Variants in HEATR1 observed in about 807,000 individuals in gnomAD.
HEATR1 encodes HEAT repeat-containing protein 1.
HEATR1 carries 77 observed loss-of-function variants against 248.2 expected under a neutral mutation model. The ratio of observed to expected loss-of-function variants is 0.31; its 90% CI spans 0.26 to 0.37. The LOEUF (loss-of-function observed/expected upper bound fraction) is 0.37. Ranked by LOEUF, HEATR1 falls within the 10% of genes least tolerant of loss-of-function variation. The pLI, the probability that HEATR1 is intolerant of heterozygous loss-of-function variation, is 1.00. For missense variants in HEATR1, 2,420 were observed against 2,504.9 expected (o/e 0.97, Z 0.72); for synonymous variants, 897 against 923.1 (o/e 0.97, Z 0.51).
At position 236,574,203 on chromosome 1, in the gene HEATR1, C is replaced by A. The variant is rs1297033041; in HGVS notation, c.3458G>T (p.Gly1153Val). Residue 1153 changes from glycine (G) to valine (V), a missense_variant and splice_region_variant, in exon 24 of 45, where the codon GGG becomes GTG. Gly to Val is a moderately radical substitution (Grantham distance 109, BLOSUM62 -3). Transcript: ENST00000366582. ...CAQTVSSVFKGISVNAEQVRI... is the reference protein window; with the variant it reads ...CAQTVSSVFKVISVNAEQVRI... ...AATTACAAGAAGTTTGCAGCTTACC[C>A]CTTTAAAAACACTGCTGACAGTCTG... The A allele has an allele frequency of 6.3e-7, 1 of 1,598,122 alleles. No individual in the cohort carries two copies. Among genetic ancestry groups the A allele is most frequent in the Non-Finnish European group, 8.5e-7 (1 of 1,175,762 alleles).
At chr1:236,593,529 C>T (rs1664095068) in intron 9 of HEATR1, among the ~76,000 whole-genome samples, 1 of 147,306 alleles carries the variant, frequency 6.8e-6, no homozygotes, top group Non-Finnish European at 1.5e-5. Context: ...GAATTTACAC[C>T]TATGTCTGAC....
At position 236,597,913 on chromosome 1, in the gene HEATR1, C is replaced by T; in HGVS notation, c.568G>A (p.Asp190Asn). ...TTTGTCACCAAACTGCAAATGAAAT[C>T]CATGAATCCAAGATCTTTGTAGCAG... ...THCYKDLGFMDFICSLVTKSV... is the reference protein window; with the variant it reads ...THCYKDLGFMNFICSLVTKSV... The change falls in exon 5 of 45, where the codon GAT becomes AAT. Residue 190 changes from aspartate (D) to asparagine (N), a missense_variant. Coordinates refer to ENST00000366582, the MANE Select transcript of HEATR1 (RefSeq NM_018072.6). 6.2e-7 allele frequency: 1 copy of T among 1,613,714 alleles called. No homozygotes were observed. The highest frequency in any genetic ancestry group is 2.2e-5 in the East Asian group (1 of 44,834).
intron 33 of HEATR1, among the ~76,000 whole-genome samples, chr1:236,560,584 TCA>T (rs1663106395): frequency 6.6e-6 from 1 of 152,162 alleles, no homozygotes; most frequent in South Asian, 2.1e-4. Context: ...ACTCAGCAGC[TCA>T]CATTCCTGGC....
chr1:236,570,771 A>G (rs72758119), intron 28 of HEATR1, among the ~76,000 whole-genome samples: 3,789 of 152,228 alleles, frequency 0.025, 59 homozygotes, highest in Non-Finnish European at 0.041. Flanking sequence ...CATACAGATA[A>G]AACTTTGCAT....
intron 24 of HEATR1, among the ~76,000 whole-genome samples, chr1:236,573,203 G>C (rs1036838243): frequency 1.3e-5 from 2 of 152,146 alleles, no homozygotes; most frequent in African/African-American, 4.8e-5. Context: ...CTCCAGTCCA[G>C]AGTCACTCAA....
At chr1:236,566,976 T>C (rs1663289169) in intron 29 of HEATR1, 100 bp from the exon 30 acceptor site, 8 of 732,276 alleles carry the variant, frequency 1.1e-5, no homozygotes, top group African/African-American at 3.6e-5. Flanking sequence ...CCCCAAGAAA[T>C]TGCCAGAAGA....
In HEATR1 at chr1:236,594,131, T is replaced by G; in HGVS notation, c.1091-17A>C. 2.0e-6 allele frequency: 3 copies of G among 1,486,470 alleles called. No homozygotes were observed. The highest frequency in any genetic ancestry group is 2.7e-6 in the Non-Finnish European group (3 of 1,091,458). The allele number at this position is 1,486,470 out of a possible 1,614,324, so 92.1% of individuals were successfully genotyped here. A position where few individuals can be genotyped will look rare whatever the true frequency, so the allele number is the denominator to read the frequency against. On this transcript the variant is annotated splice_polypyrimidine_tract_variant and intron_variant, in intron 8 of 44. Transcript: ENST00000366582. ...TTTCTTCTCCTTAATATGTAAAAAT[T>G]AAAATTGTGTTGGGAAAAATTTATT...
Position 236,592,046 on chromosome 1 carries a change from G to A in HEATR1, c.1369C>T (p.Gln457Ter). 1 of 1,608,756 alleles carries A rather than the reference G, an allele frequency of 6.2e-7. No individual in the cohort carries two copies. The highest frequency in any genetic ancestry group is 8.5e-7 in the Non-Finnish European group (1 of 1,176,106). Residue 457 changes from glutamine (Q) to a stop codon, truncating the protein, a stop_gained, in exon 11 of 45, where the codon CAA (glutamine) becomes TAA (stop). Transcript: ENST00000366582. LOFTEE classifies it high-confidence loss of function. The stretch of plus-strand genomic sequence containing the variant: ...GAAACAAACTGATGGAAAAGCTCTT[G>A]TTTTTTCAGATCTGCAATTTCCTTT... ...HLKEIADLKK[Q>*]ELFHQFVSLS... is the part of the protein sequence containing the mutation.
At chr1:236,556,677 GCTCCTAAC>G in intron 37 of HEATR1, among the ~76,000 whole-genome samples, 1 of 152,296 alleles carries the variant, frequency 6.6e-6, no homozygotes, top group Admixed American at 6.5e-5. Context: ...GGTAATGAAG[GCTCCTAAC>G]CTTGTAAATG....
rs116091150 is a variant in HEATR1 at position 236,566,196 on chromosome 1, A to T, written c.4309-151T>A. On this transcript the variant is annotated intron_variant, in intron 30 of 44. Coordinates refer to ENST00000366582, the MANE Select transcript of HEATR1 (RefSeq NM_018072.6). Reference sequence around the variant, plus strand: ...TCTACTCCCAGATCCCATGTCTAAGAAGTCATTTAAAAATGGTCCTCGACT... The same window carrying T: ...TCTACTCCCAGATCCCATGTCTAAGTAGTCATTTAAAAATGGTCCTCGACT... The T allele has an allele frequency of 7.0e-4, 509 of 723,544 alleles. 4 individuals are homozygous for T. In the African/African-American group the frequency reaches 8.5e-3, roughly 12 times the overall value. The allele number at this position is 723,544 out of a possible 1,614,324, so 44.8% of individuals were successfully genotyped here. A position where few individuals can be genotyped will look rare whatever the true frequency, so the allele number is the denominator to read the frequency against.
intron 44 of HEATR1, 102 bp from the exon 45 acceptor site, chr1:236,551,092 T>G: frequency 1.1e-6 from 1 of 885,446 alleles, no homozygotes; most frequent in Non-Finnish European, 1.7e-6. Context: ...CCGGCAATCA[T>G]TCAATCAAAA....
Position 236,599,551 on chromosome 1 carries a change from C to T in HEATR1, c.433G>A (p.Val145Met). The change falls in exon 4 of 45, where the codon GTG (valine) becomes ATG (methionine). Residue 145 changes from valine (V) to methionine (M), a missense_variant. Coordinates refer to ENST00000366582, the MANE Select transcript of HEATR1 (RefSeq NM_018072.6). ...ATTTTTAGAAGCTGTATGACTCGCA[C>T]AAATATTCTTGTCTCGTGGTATGGC... ...VLPYHETRIFVRVIQLLKINN... is the reference protein window; with the variant it reads ...VLPYHETRIFMRVIQLLKINN... 6.2e-7 allele frequency: 1 copy of T among 1,613,720 alleles called. No individual in the cohort carries two copies. Among genetic ancestry groups the T allele is most frequent in the Non-Finnish European group, 8.5e-7 (1 of 1,179,762 alleles).
rs573865050 is a variant in HEATR1 at position 236,572,286 on chromosome 1, A to G, written c.3707+125T>C. 4 of 1,103,804 alleles carry G rather than the reference A, an allele frequency of 3.6e-6. No individual in the cohort carries two copies. In the East Asian group the frequency reaches 9.5e-5, roughly 26 times the overall value. 68.4% of individuals were successfully genotyped at this position (1,103,804 alleles called of 1,614,324 possible). ...TAAAACCAATCTTTTAATTTCACCT[A>G]TAGTACTTGCTTTATTTTACAGACT... On this transcript the variant is annotated intron_variant, in intron 26 of 44. Coordinates refer to ENST00000366582, the MANE Select transcript of HEATR1 (RefSeq NM_018072.6).
At chr1:236,568,337 C>T (rs1201573871) in intron 29 of HEATR1, among the ~76,000 whole-genome samples, 2 of 152,106 alleles carry the variant, frequency 1.3e-5, no homozygotes, top group African/African-American at 4.8e-5. Flanking sequence ...ACTGAGAACA[C>T]CAATCTAATA....
chr1:236,564,358 C>G (rs192843426), intron 32 of HEATR1, 140 bp downstream of exon 32: 1 of 664,488 alleles, frequency 1.5e-6, no homozygotes, highest in African/African-American at 1.8e-5. Flanking sequence ...CATGGTGAAA[C>G]GTACTTTCTT....
intron 3 of HEATR1, among the ~76,000 whole-genome samples, chr1:236,602,100 C>A (rs1047465495): frequency 3.3e-5 from 5 of 151,892 alleles, no homozygotes; most frequent in African/African-American, 1.2e-4. Context: ...GATCGTGCCA[C>A]TGCACTCCAG....
Position 236,571,413 on chromosome 1 carries a change from C to G in HEATR1, c.3886G>C (p.Glu1296Gln). ...GCATGGTGATGGGTCTGCGGCATCT[C>G]CGAAAGGCGGATGCACTGAACTATC... ...ELIVQCIRLSEMPQTHHHALL... is the reference protein window; with the variant it reads ...ELIVQCIRLSQMPQTHHHALL... The change falls in exon 28 of 45, where the codon GAG becomes CAG. Residue 1296 changes from glutamate (E) to glutamine (Q), a missense_variant. Transcript: ENST00000366582. 6.2e-7 allele frequency: 1 copy of G among 1,613,388 alleles called. No individual in the cohort carries two copies. Among genetic ancestry groups the G allele is most frequent in the Non-Finnish European group, 8.5e-7 (1 of 1,179,868 alleles).
intron 3 of HEATR1, among the ~76,000 whole-genome samples, 189 bp from the exon 4 acceptor site, chr1:236,599,813 T>C (rs1664270048): frequency 6.6e-6 from 1 of 152,224 alleles, no homozygotes; most frequent in Non-Finnish European, 1.5e-5. Context: ...TCCCTCAACA[T>C]GGTCCAGCCA....
In HEATR1 at chr1:236,595,947, G is replaced by A. The variant is rs776734380; in HGVS notation, c.842C>T (p.Ser281Leu). Residue 281 changes from serine to leucine, a missense_variant, in exon 7 of 45, where the codon TCA (serine) becomes TTA (leucine). Ser to Leu is a moderately radical substitution (Grantham distance 145). Coordinates refer to ENST00000366582, the MANE Select transcript of HEATR1 (RefSeq NM_018072.6). ...KVTMENTFVN[S>L]LASQIIKTLT... is the part of the protein sequence containing the mutation. ...TGTTTTGATGATCTGTGATGCCAAT[G>A]AATTCACAAAGGTATTTTCCATGGT... The A allele has an allele frequency of 1.2e-6, 2 of 1,613,598 alleles. No homozygotes were observed. The highest frequency in any genetic ancestry group is 1.7e-6 in the Non-Finnish European group (2 of 1,179,584).
Sources: gnomAD v4.1 joint callset for allele counts (sites outside exome capture counted in the v4.1 genomes callset) on GRCh38, gnomAD v4.1.1 for gene constraint, MANE v1.5 for transcripts, NCBI Gene and HGNC (gene_info 2026-07-23, HGNC 2026-07-21) for gene names.